STIMATE: variants seen among roughly 807,000 people sequenced by gnomAD.
The protein encoded by STIMATE is STIM activating enhancer.
Under a neutral mutation model 36.7 loss-of-function variants are expected in STIMATE, and 15 were observed. That is an observed-to-expected ratio of 0.41 (90% CI 0.27 to 0.63). The LOEUF is 0.63. Among genes scored for constraint, STIMATE ranks in the 20% least tolerant of loss-of-function variants. The pLI, the probability that STIMATE is intolerant of heterozygous loss-of-function variation, is 0.32. For missense variants in STIMATE, 305 were observed against 397.3 expected (o/e 0.77, Z 1.98); for synonymous variants, 163 against 162.3 (o/e 1.00, Z -0.03).
intron 1 of STIMATE, among the ~76,000 whole-genome samples, chr3:52,889,329 A>G (rs956665506): frequency 1.3e-4 from 20 of 152,224 alleles, no homozygotes; most frequent in African/African-American, 4.3e-4. Flanking sequence ...GGCTTGCCTA[A>G]GCTGGCGATC....
intron 7 of STIMATE, among the ~76,000 whole-genome samples, chr3:52,841,279 C>G (rs1379069562): frequency 6.6e-6 from 1 of 152,270 alleles, no homozygotes; most frequent in Non-Finnish European, 1.5e-5. Flanking sequence ...GTTGTTGAAG[C>G]TGCCTTAAAT....
At chr3:52,863,373 T>C (rs747467469) in intron 1 of STIMATE, among the ~76,000 whole-genome samples, 2 of 152,112 alleles carry the variant, frequency 1.3e-5, no homozygotes, top group Non-Finnish European at 2.9e-5. Flanking sequence ...GATAAAATCA[T>C]CAGATCTTGT....
chr3:52,849,943 G>A (rs368299103), intron 3 of STIMATE, 30 bp from the exon 4 acceptor site: 281 of 1,604,014 alleles, frequency 1.8e-4, no homozygotes, highest in Non-Finnish European at 2.2e-4. Flanking sequence ...GCATGGTCAC[G>A]GCAGAAGCCA....
At chr3:52,872,620 T>C (rs901378516) in intron 1 of STIMATE, among the ~76,000 whole-genome samples, 1 of 152,224 alleles carries the variant, frequency 6.6e-6, no homozygotes, top group African/African-American at 2.4e-5. Context: ...TTTTTAATTA[T>C]CTATTTTTTT....
chr3:52,847,098 CG>C (rs1265998193), intron 4 of STIMATE: 2 of 509,498 alleles, frequency 3.9e-6, no homozygotes, highest in African/African-American at 4.2e-5. Flanking sequence ...TTTGTAGAGA[CG>C]GGATCTTGCT....
chr3:52,840,413 G>A lies in STIMATE; in HGVS notation c.*81C>T, dbSNP rs1241521476. ...AGGTAGAAAGGAAGGGCAGAGAGAG[G>A]GTAAGGAACGATGCTGCGGGATGAC... On this transcript the variant is annotated 3_prime_UTR_variant, in exon 8 of 8. Transcript: ENST00000355083. 4 of 1,455,746 alleles carry A rather than the reference G, an allele frequency of 2.7e-6. No individual in the cohort carries two copies. The highest frequency in any genetic ancestry group is 2.8e-5 in the African/African-American group (2 of 71,700). The allele number at this position is 1,455,746 out of a possible 1,614,324, so 90.2% of individuals were successfully genotyped here.
chr3:52,885,906 A>C (rs1293678553), intron 1 of STIMATE, among the ~76,000 whole-genome samples: 1 of 152,198 alleles, frequency 6.6e-6, no homozygotes, highest in African/African-American at 2.4e-5. Context: ...TGATATTTGC[A>C]AAGTTGCTTT....
At chr3:52,847,726 A>C (rs1291401008) in intron 4 of STIMATE, among the ~76,000 whole-genome samples, 1 of 152,208 alleles carries the variant, frequency 6.6e-6, no homozygotes, top group East Asian at 1.9e-4. Flanking sequence ...AGTGTGTAGC[A>C]TCACATAGCA....
chr3:52,845,833 G>C (rs1332657983), intron 4 of STIMATE, among the ~76,000 whole-genome samples: 3 of 151,836 alleles, frequency 2.0e-5, no homozygotes, highest in Non-Finnish European at 2.9e-5. Context: ...CCAGGGGAGA[G>C]TGGGATGTGG....
intron 1 of STIMATE, among the ~76,000 whole-genome samples, chr3:52,860,361 G>A (rs1252344732): frequency 2.6e-5 from 4 of 152,038 alleles, no homozygotes; most frequent in African/African-American, 9.7e-5. Context: ...AACTGTCAAT[G>A]AGGAGGTATG....
intron 1 of STIMATE, among the ~76,000 whole-genome samples, chr3:52,857,416 A>G (rs531797547): frequency 1.9e-4 from 29 of 152,280 alleles, no homozygotes; most frequent in African/African-American, 6.7e-4. Context: ...GGGGGCTGGA[A>G]CTCAGGAAGG....
chr3:52,842,664 C>A, intron 7 of STIMATE, 147 bp downstream of exon 7: 1 of 1,482,318 alleles, frequency 6.7e-7, no homozygotes, highest in South Asian at 1.3e-5. Context: ...GCCCCTCGCT[C>A]ATCTCTGGCT....
At chr3:52,858,179 G>C (rs1701142023) in intron 1 of STIMATE, among the ~76,000 whole-genome samples, 1 of 152,200 alleles carries the variant, frequency 6.6e-6, no homozygotes, top group Non-Finnish European at 1.5e-5. Flanking sequence ...ATGGCAGCCT[G>C]AGCAAACGAA....
At chr3:52,861,405 C>T (rs969475514) in intron 1 of STIMATE, among the ~76,000 whole-genome samples, 3 of 152,294 alleles carry the variant, frequency 2.0e-5, no homozygotes, top group Middle Eastern at 6.8e-3. Flanking sequence ...CTTTTGTGTA[C>T]AGGTGTCCTG....
chr3:52,894,079 G>A (rs1225412081), intron 1 of STIMATE, among the ~76,000 whole-genome samples: 3 of 151,892 alleles, frequency 2.0e-5, no homozygotes, highest in African/African-American at 4.8e-5. Context: ...CCACCAAAAC[G>A]AGGAATTGCT....
At chr3:52,852,832 T>C in intron 2 of STIMATE, 134 bp from the exon 3 acceptor site, 2 of 1,076,414 alleles carry the variant, frequency 1.9e-6, no homozygotes, top group East Asian at 5.2e-5. Flanking sequence ...CCTGGGGCCT[T>C]GAGCACTAAC....
intron 1 of STIMATE, among the ~76,000 whole-genome samples, chr3:52,858,186 C>T (rs958824048): frequency 1.3e-4 from 20 of 152,054 alleles, no homozygotes; most frequent in East Asian, 5.8e-4. Context: ...CCTGAGCAAA[C>T]GAAAACATGT....
chr3:52,872,655 T>G (rs1701427086), intron 1 of STIMATE, among the ~76,000 whole-genome samples: 1 of 152,262 alleles, frequency 6.6e-6, no homozygotes. Flanking sequence ...AGACGGAGTC[T>G]CGCTCTGTCG....
At chr3:52,876,660 T>C (rs1701507046) in intron 1 of STIMATE, among the ~76,000 whole-genome samples, 1 of 152,230 alleles carries the variant, frequency 6.6e-6, no homozygotes, top group Admixed American at 6.5e-5. Context: ...GAATAGCAGA[T>C]ACATTTTCTC....
Sources: gnomAD v4.1 joint callset for allele counts (sites outside exome capture counted in the v4.1 genomes callset) on GRCh38, gnomAD v4.1.1 for gene constraint, MANE v1.5 for transcripts, NCBI Gene and HGNC (gene_info 2026-07-23, HGNC 2026-07-21) for gene names.